Variants in CPE observed in about 807,000 individuals in gnomAD.
CPE encodes the protein carboxypeptidase E.
In CPE, 17 loss-of-function variants were observed where a neutral mutation model predicts 53.5. The ratio of observed to expected loss-of-function variants is 0.32; its 90% CI spans 0.22 to 0.48. The LOEUF (loss-of-function observed/expected upper bound fraction) is 0.48, where lower values mean the gene tolerates loss of function less well. CPE is among the 20% of genes least tolerant of loss of function. The pLI is 0.99. For missense variants in CPE, 524 were observed against 614.7 expected, an observed-to-expected ratio of 0.85 and a Z score of 1.56; for synonymous variants, 226 against 228.8, an observed-to-expected ratio of 0.99 and a Z score of 0.11.
intron 1 of CPE, chr4:165,406,195 T>C: frequency 1.5e-6 from 1 of 687,162 alleles, no homozygotes; most frequent in Non-Finnish European, 2.8e-6. Context: ...TTAATTTAAA[T>C]AACTATCACA....
At chr4:165,441,593 A>G (rs1461325559) in intron 1 of CPE, among the ~76,000 whole-genome samples, 2 of 152,160 alleles carry the variant, frequency 1.3e-5, no homozygotes, top group Non-Finnish European at 2.9e-5. Flanking sequence ...CCTGGTTCCA[A>G]TTACGCCTAA....
At chr4:165,447,456 A>G (rs1731735383) in intron 1 of CPE, among the ~76,000 whole-genome samples, 1 of 152,094 alleles carries the variant, frequency 6.6e-6, no homozygotes, top group Non-Finnish European at 1.5e-5. Context: ...CTGTAATCCC[A>G]GCTACTTGGG....
intron 1 of CPE, among the ~76,000 whole-genome samples, chr4:165,456,739 ATTT>A (rs35855408): frequency 9.9e-6 from 1 of 101,190 alleles, no homozygotes. Context: ...TGCCCAGCTA[ATTT>A]TTTTTTTTTT....
intron 1 of CPE, among the ~76,000 whole-genome samples, chr4:165,417,458 A>C (rs936690212): frequency 2.0e-5 from 3 of 152,230 alleles, no homozygotes; most frequent in Non-Finnish European, 4.4e-5. Context: ...TTACAGATGA[A>C]GAAATAGACT....
rs71618455 is a variant in CPE, at chr4:165,463,012, G to A, written c.308-1378G>A. On this transcript the variant is annotated intron_variant, in intron 1 of 8. Coordinates refer to ENST00000402744, the MANE Select transcript of CPE (RefSeq NM_001873.4). Reference sequence around the variant, plus strand: ...TTTTGTAAATGCAGAAATTGGGCCCGTGGGATGGATGAAGCAGAAACGAGC... The same window carrying A: ...TTTTGTAAATGCAGAAATTGGGCCCATGGGATGGATGAAGCAGAAACGAGC... Among the ~76,000 whole-genome samples, 1,263 of 152,258 alleles carry A rather than the reference G, an allele frequency of 8.3e-3. 12 individuals are homozygous for A. The highest frequency in any genetic ancestry group is 0.02 in the Middle Eastern group (6 of 294).
At chr4:165,419,439 A>G (rs1450386018) in intron 1 of CPE, among the ~76,000 whole-genome samples, 1 of 152,220 alleles carries the variant, frequency 6.6e-6, no homozygotes, top group Non-Finnish European at 1.5e-5. Flanking sequence ...AAACTCATGT[A>G]TCGGTGTATT....
At chr4:165,428,665 A>T (rs1415328494) in intron 1 of CPE, among the ~76,000 whole-genome samples, 2 of 152,284 alleles carry the variant, frequency 1.3e-5, no homozygotes, top group East Asian at 1.9e-4. Context: ...CTGCTGTTCC[A>T]TCAGAGTCTC....
chr4:165,446,961 G>A (rs1731727350), intron 1 of CPE, among the ~76,000 whole-genome samples: 1 of 152,184 alleles, frequency 6.6e-6, no homozygotes, highest in East Asian at 1.9e-4. Context: ...ATATGGTAGA[G>A]CCTACTACAC....
intron 1 of CPE, among the ~76,000 whole-genome samples, chr4:165,433,767 A>T (rs943176433): frequency 6.6e-6 from 1 of 152,090 alleles, no homozygotes; most frequent in African/African-American, 2.4e-5. Flanking sequence ...GAAGCTAGGG[A>T]TCCTTCTTAA....
chr4:165,379,342 C>A lies in CPE; in HGVS notation c.121C>A (p.Arg41=). 6.3e-7 allele frequency: 1 copy of A among 1,584,186 alleles called. No individual in the cohort carries two copies. Among genetic ancestry groups the A allele is most frequent in the African/African-American group, 1.3e-5 (1 of 74,590 alleles). ...GCCCGCGGCGGGCATGAGGCGGCGC[C>A]GGCGGCTGCAGCAAGAGGACGGCAT... ...GAPAAGMRRR[R]RLQQEDGISF... is the part of the protein sequence containing the mutation. The change falls in exon 1 of 9, where the codon CGG becomes AGG. Residue 41 remains arginine, a synonymous_variant. Transcript: ENST00000402744. The surrounding 1 kb of genome is among the most constrained non-coding windows in gnomAD (Gnocchi z 6.0).
chr4:165,414,694 TATACACACACACACAC>T (rs1333606382), intron 1 of CPE, among the ~76,000 whole-genome samples: 1 of 135,124 alleles, frequency 7.4e-6, no homozygotes, highest in African/African-American at 2.7e-5. Flanking sequence ...AATATATATA[TATACACACACACACAC>T]ATACACACAC....
intron 1 of CPE, among the ~76,000 whole-genome samples, chr4:165,382,869 C>T (rs1730525387): frequency 6.6e-6 from 1 of 152,206 alleles, no homozygotes; most frequent in Non-Finnish European, 1.5e-5. Context: ...AAAGGCAAAG[C>T]AAATTCCATT....
intron 1 of CPE, chr4:165,404,636 A>C: frequency 8.8e-7 from 1 of 1,138,256 alleles, no homozygotes; most frequent in Non-Finnish European, 1.3e-6. Context: ...GCTTGTGGTC[A>C]GGGAATCCAG....
chr4:165,439,397 CTG>C (rs1333177417), intron 1 of CPE, among the ~76,000 whole-genome samples: 2 of 152,048 alleles, frequency 1.3e-5, no homozygotes, highest in Non-Finnish European at 2.9e-5. Context: ...GGAGAGTAGA[CTG>C]TGTCTTTATT....
At chr4:165,392,537 A>G (rs2126656286) in intron 1 of CPE, among the ~76,000 whole-genome samples, 1 of 145,712 alleles carries the variant, frequency 6.9e-6, no homozygotes, top group East Asian at 2.0e-4. Context: ...ATTATATTAA[A>G]TATATATTTA....
intron 6 of CPE, among the ~76,000 whole-genome samples, 191 bp from the exon 7 acceptor site, chr4:165,492,980 C>G (rs570677380): frequency 6.6e-6 from 1 of 152,202 alleles, no homozygotes; most frequent in Admixed American, 6.5e-5. Context: ...TTTCACTTAT[C>G]TATTTAGGGA....
At chr4:165,406,364 A>T in intron 1 of CPE, 1 of 484,522 alleles carries the variant, frequency 2.1e-6, no homozygotes, top group Admixed American at 2.9e-5. Flanking sequence ...GCTGAAGAGA[A>T]CAGCAGTGGA....
intron 1 of CPE, among the ~76,000 whole-genome samples, chr4:165,407,982 T>C (rs1157512493): frequency 6.6e-6 from 1 of 152,038 alleles, no homozygotes; most frequent in Non-Finnish European, 1.5e-5. Context: ...CACCTGGGGC[T>C]GTCTATTCAT....
intron 1 of CPE, among the ~76,000 whole-genome samples, chr4:165,420,500 C>T (rs192161875): frequency 4.6e-5 from 7 of 151,766 alleles, no homozygotes; most frequent in Non-Finnish European, 7.4e-5. Context: ...TAATGGCTGT[C>T]CAGTTTGTTT....
Sources: allele counts gnomAD v4.1 joint callset (sites outside exome capture counted in the v4.1 genomes callset), GRCh38; gene constraint gnomAD v4.1.1; non-coding constraint Gnocchi (gnomAD v3.1); transcripts MANE v1.5; gene names NCBI Gene and HGNC (gene_info 2026-07-23, HGNC 2026-07-21).